Variants in DIAPH2 observed in about 807,000 individuals in gnomAD.
The protein encoded by DIAPH2 is diaphanous related formin 2, also known as protein diaphanous homolog 2.
DIAPH2 carries 35 observed loss-of-function variants against 92.7 expected under a neutral mutation model. The observed-to-expected ratio is 0.38, with a 90% CI of 0.29 to 0.50. The LOEUF (loss-of-function observed/expected upper bound fraction) is 0.50. Among genes scored for constraint, DIAPH2 ranks in the 20% least tolerant of loss-of-function variants. DIAPH2 has a pLI of 0.94. For missense variants in DIAPH2, 701 were observed against 819.5 expected, an observed-to-expected ratio of 0.86 and a Z score of 1.77; for synonymous variants, 301 against 280.4, an observed-to-expected ratio of 1.07 and a Z score of -0.73.
At chrX:97,268,561 T>C (rs866099336) in intron 23 of DIAPH2, among the ~76,000 whole-genome samples, 3 of 112,438 alleles carry the variant, frequency 2.7e-5, no homozygotes, top group Middle Eastern at 4.6e-3. Flanking sequence ...GTGTGGTCTA[T>C]TGGGAAAGAA....
chrX:96,809,025 C>T (rs2064652108), intron 4 of DIAPH2, among the ~76,000 whole-genome samples: 1 of 111,677 alleles, frequency 9.0e-6, no homozygotes, highest in Admixed American at 9.6e-5. Context: ...TTGACATATA[C>T]AATAAAATAG....
chrX:96,801,905 T>TA (rs2064585321), intron 4 of DIAPH2, among the ~76,000 whole-genome samples: 1 of 111,680 alleles, frequency 9.0e-6, no homozygotes, highest in Non-Finnish European at 1.9e-5. Context: ...AAGGGATACA[T>TA]ACACAGAAAA....
chrX:97,293,401 C>T (rs1387780358), intron 23 of DIAPH2, among the ~76,000 whole-genome samples: 2 of 109,379 alleles, frequency 1.8e-5, no homozygotes, highest in African/African-American at 6.6e-5. Flanking sequence ...TACAGGCATG[C>T]ACCACCAGGC....
chrX:97,125,042 G>T (rs953627972), intron 21 of DIAPH2, among the ~76,000 whole-genome samples: 5 of 111,627 alleles, frequency 4.5e-5, no homozygotes, highest in African/African-American at 1.6e-4. Flanking sequence ...GAGACAGAGA[G>T]ATTGAGACAC....
At chrX:97,225,030 C>G (rs1243945776) in intron 22 of DIAPH2, among the ~76,000 whole-genome samples, 1 of 110,876 alleles carries the variant, frequency 9.0e-6, no homozygotes, top group East Asian at 2.8e-4. Context: ...ATCAATTGTG[C>G]TTATTCTCCA....
At position 97,188,990 on chromosome X, in the gene DIAPH2, A is replaced by G. The variant is rs189867308; in HGVS notation, c.2719+47196A>G. The stretch of plus-strand genomic sequence containing the variant: ...TATGGATATATATGAGCATGTGAGG[A>G]CAGGGTGCCAGTGGAAAGCTAAGAA... On this transcript the variant is annotated intron_variant, in intron 22 of 26. Coordinates refer to ENST00000324765, the MANE Select transcript of DIAPH2 (RefSeq NM_006729.5). Among the ~76,000 whole-genome samples the G allele has an allele frequency of 5.4e-4, 60 of 111,636 alleles. 1 individual carries two copies. Among genetic ancestry groups the G allele is most frequent in the Admixed American group, 4.8e-3 (50 of 10,422 alleles).
intron 23 of DIAPH2, among the ~76,000 whole-genome samples, chrX:97,312,627 G>T (rs1318690108): frequency 9.0e-6 from 1 of 111,158 alleles, no homozygotes; most frequent in Non-Finnish European, 1.9e-5. Flanking sequence ...GGGATTACGG[G>T]CATCGGCCAG....
chrX:96,794,500 A>G (rs1233211961), intron 4 of DIAPH2, among the ~76,000 whole-genome samples: 4 of 100,429 alleles, frequency 4.0e-5, no homozygotes, highest in Admixed American at 1.1e-4. Flanking sequence ...ACACAAAGCC[A>G]TTTTACACTC....
intron 21 of DIAPH2, among the ~76,000 whole-genome samples, chrX:97,121,035 A>G (rs987350159): frequency 8.9e-6 from 1 of 112,313 alleles, no homozygotes; most frequent in African/African-American, 3.2e-5. Flanking sequence ...ATATGTAAGT[A>G]CACGCAAAGT....
At chrX:97,519,816 C>G (rs768887651) in intron 26 of DIAPH2, among the ~76,000 whole-genome samples, 4 of 111,157 alleles carry the variant, frequency 3.6e-5, no homozygotes, top group Non-Finnish European at 7.6e-5. Context: ...ACCTCCTCCC[C>G]CCAGGGTCAA....
At chrX:97,032,639 A>G (rs573039237) in intron 17 of DIAPH2, among the ~76,000 whole-genome samples, 1 of 110,540 alleles carries the variant, frequency 9.0e-6, no homozygotes, top group South Asian at 3.9e-4. Flanking sequence ...TTTTACATCT[A>G]TTACTGCTAT....
intron 21 of DIAPH2, among the ~76,000 whole-genome samples, chrX:97,135,480 G>A (rs2067164338): frequency 9.0e-6 from 1 of 111,273 alleles, no homozygotes; most frequent in South Asian, 3.8e-4. Context: ...CCAAAGTGCT[G>A]GGATTAGAGG....
chrX:97,384,729 G>A (rs953371035), intron 25 of DIAPH2, among the ~76,000 whole-genome samples: 21 of 110,228 alleles, frequency 1.9e-4, no homozygotes, highest in Non-Finnish European at 3.6e-4. Flanking sequence ...AGCCAGGCAT[G>A]GTGGCAGGCG....
At chrX:97,042,481 A>T (rs1308956454) in intron 17 of DIAPH2, among the ~76,000 whole-genome samples, 2 of 112,024 alleles carry the variant, frequency 1.8e-5, no homozygotes, top group Non-Finnish European at 3.8e-5. Flanking sequence ...ATAAAATCTG[A>T]TCAGAAATCC....
At chrX:96,920,860 A>G (rs1480058963) in intron 9 of DIAPH2, among the ~76,000 whole-genome samples, 3 of 112,518 alleles carry the variant, frequency 2.7e-5, no homozygotes, top group Non-Finnish European at 5.6e-5. Context: ...TCACATTTTA[A>G]TGAGCTACAA....
At chrX:96,941,067 A>C (rs187967397) in intron 12 of DIAPH2, among the ~76,000 whole-genome samples, 191 of 111,845 alleles carry the variant, frequency 1.7e-3, no homozygotes, top group Non-Finnish European at 1.0e-3. Context: ...CCAGATTTGT[A>C]ATATGTATTA....
intron 26 of DIAPH2, among the ~76,000 whole-genome samples, chrX:97,474,748 A>G (rs2070590702): frequency 9.8e-6 from 1 of 101,835 alleles, no homozygotes; most frequent in South Asian, 4.9e-4. Context: ...CCTGAGTGAC[A>G]GAGCATGACT....
intron 14 of DIAPH2, among the ~76,000 whole-genome samples, chrX:96,947,198 TTTAAA>T (rs1443701031): frequency 2.7e-5 from 3 of 111,640 alleles, no homozygotes; most frequent in East Asian, 5.6e-4. Flanking sequence ...TTAAGGTAAT[TTTAAA>T]TTAAAAGCAG....
At chrX:96,794,114 A>G (rs1022568284) in intron 4 of DIAPH2, among the ~76,000 whole-genome samples, 2 of 111,722 alleles carry the variant, frequency 1.8e-5, no homozygotes, top group Non-Finnish European at 3.8e-5. Context: ...TGCTTCATAG[A>G]TGGCACCATC....
Sources: gnomAD v4.1 joint callset for allele counts (sites outside exome capture counted in the v4.1 genomes callset) on GRCh38, gnomAD v4.1.1 for gene constraint, MANE v1.5 for transcripts, NCBI Gene and HGNC (gene_info 2026-07-23, HGNC 2026-07-21) for gene names.